ENTREP2: variants seen among roughly 807,000 people sequenced by gnomAD.
ENTREP2 encodes the protein endosomal transmembrane epsin interactor 2.
chr15:29,627,519 G>C, the ENTREP2 span, among the ~76,000 whole-genome samples: 6 of 148,816 alleles, frequency 4.0e-5, no homozygotes, highest in Non-Finnish European at 7.4e-5. Flanking sequence ...CTCCAGCCTG[G>C]TGACAGAGCA....
chr15:29,207,538 C>T, the ENTREP2 span, among the ~76,000 whole-genome samples: 4 of 152,054 alleles, frequency 2.6e-5, no homozygotes, highest in Non-Finnish European at 5.9e-5. Context: ...TTTTCTCAAT[C>T]CTCCCCCACG....
At chr15:29,212,989 A>G in the ENTREP2 span, among the ~76,000 whole-genome samples, 213 of 152,364 alleles carry the variant, frequency 1.4e-3, no homozygotes, top group Non-Finnish European at 4.7e-4. Flanking sequence ...GAAGGGATCC[A>G]GTTTCAGCTT....
the ENTREP2 span, among the ~76,000 whole-genome samples, chr15:29,674,563 C>T: frequency 6.6e-6 from 1 of 152,128 alleles, no homozygotes; most frequent in Non-Finnish European, 1.5e-5. Flanking sequence ...CCACCGCGCC[C>T]GGCTTGAGCA....
At chr15:29,620,649 A>C in the ENTREP2 span, among the ~76,000 whole-genome samples, 3 of 151,994 alleles carry the variant, frequency 2.0e-5, no homozygotes, top group Non-Finnish European at 4.4e-5. Flanking sequence ...AAAATAAATA[A>C]ATGAAAAGGA....
chr15:29,640,280 A>G, the ENTREP2 span, among the ~76,000 whole-genome samples: 1 of 152,216 alleles, frequency 6.6e-6, no homozygotes, highest in Admixed American at 6.5e-5. Context: ...ACAAATTCCT[A>G]GAAAGACACA....
chr15:29,123,076 G>A, the ENTREP2 span: 1 of 458,114 alleles, frequency 2.2e-6, no homozygotes. Context: ...AAACCAGAGA[G>A]TTCACTGTGG....
the ENTREP2 span, among the ~76,000 whole-genome samples, chr15:29,341,255 G>C: frequency 1.3e-5 from 2 of 152,132 alleles, no homozygotes; most frequent in Non-Finnish European, 2.9e-5. Flanking sequence ...TCATTTTTCG[G>C]TTTATTCATT....
chr15:29,284,694 G>A, the ENTREP2 span, among the ~76,000 whole-genome samples: 1 of 152,092 alleles, frequency 6.6e-6, no homozygotes, highest in African/African-American at 2.4e-5. Context: ...TCCTCCACCA[G>A]GCAACTACAG....
the ENTREP2 span, among the ~76,000 whole-genome samples, chr15:29,241,953 AG>A: frequency 6.6e-6 from 1 of 152,172 alleles, no homozygotes; most frequent in South Asian, 2.1e-4. Context: ...GTGAGGTGGG[AG>A]GATCACTTGA....
the ENTREP2 span, among the ~76,000 whole-genome samples, chr15:29,442,785 G>C: frequency 2.0e-5 from 3 of 152,216 alleles, no homozygotes; most frequent in African/African-American, 7.2e-5. Context: ...AAAAACAGAA[G>C]ATGAAAAGGC....
the ENTREP2 span, among the ~76,000 whole-genome samples, chr15:29,174,888 A>C: frequency 6.6e-6 from 1 of 152,210 alleles, no homozygotes; most frequent in Non-Finnish European, 1.5e-5. Context: ...TATGCATCAC[A>C]AAATATTCTG....
chr15:29,159,645 C>G, the ENTREP2 span, among the ~76,000 whole-genome samples: 2 of 152,146 alleles, frequency 1.3e-5, no homozygotes, highest in Admixed American at 6.6e-5. Flanking sequence ...ACTAGATTAG[C>G]TAGATACAGT....
the ENTREP2 span, among the ~76,000 whole-genome samples, chr15:29,583,633 T>C: frequency 6.6e-6 from 1 of 152,170 alleles, no homozygotes; most frequent in African/African-American, 2.4e-5. Flanking sequence ...ACATGTACCC[T>C]GGAACTTAAA....
At chr15:29,667,487 C>CTTT in the ENTREP2 span, among the ~76,000 whole-genome samples, 16 of 104,662 alleles carry the variant, frequency 1.5e-4, no homozygotes, top group African/African-American at 5.3e-4. Flanking sequence ...TGCGCCTGGC[C>CTTT]TTTTTTTTTT....
At chr15:29,530,958 A>G in the ENTREP2 span, among the ~76,000 whole-genome samples, 2 of 152,274 alleles carry the variant, frequency 1.3e-5, no homozygotes, top group Admixed American at 1.3e-4. Flanking sequence ...TTCAAGGTTC[A>G]AATGCAGACC....
chr15:29,587,117 T>G, the ENTREP2 span, among the ~76,000 whole-genome samples: 1 of 35,114 alleles, frequency 2.8e-5, no homozygotes, highest in Non-Finnish European at 5.1e-5. Context: ...GTTCATGAGA[T>G]AGGCTATCTG....
At chr15:29,537,508 G>A in the ENTREP2 span, among the ~76,000 whole-genome samples, 17 of 152,228 alleles carry the variant, frequency 1.1e-4, no homozygotes, top group African/African-American at 3.6e-4. Flanking sequence ...GACCAGCCAC[G>A]CACCCTATAT....
chr15:29,541,072 G>A, the ENTREP2 span, among the ~76,000 whole-genome samples: 5 of 152,136 alleles, frequency 3.3e-5, no homozygotes, highest in African/African-American at 1.2e-4. Context: ...GCTATGGCTC[G>A]GGGCCTGGGG....
the ENTREP2 span, among the ~76,000 whole-genome samples, chr15:29,571,653 A>T: frequency 1.3e-5 from 2 of 152,208 alleles, no homozygotes; most frequent in Non-Finnish European, 1.5e-5. Context: ...AAAATTGCAC[A>T]AAACGAATTT....
Sources: gnomAD v4.1 joint callset for allele counts (sites outside exome capture counted in the v4.1 genomes callset) on GRCh38, gnomAD v4.1.1 for gene constraint, MANE v1.5 for transcripts, NCBI Gene and HGNC (gene_info 2026-07-23, HGNC 2026-07-21) for gene names.